SAMD8: variants seen among roughly 807,000 people sequenced by gnomAD.
SAMD8 encodes sphingomyelin synthase-related protein 1.
A neutral mutation model predicts 42.0 loss-of-function variants in SAMD8; 20 were observed. The ratio of observed to expected loss-of-function variants is 0.48; its 90% CI spans 0.34 to 0.69. SAMD8 has a LOEUF of 0.69. SAMD8 is among the 30% of genes least tolerant of loss of function. SAMD8 has a pLI of 0.01. For synonymous variants in SAMD8, 162 were observed against 173.0 expected (o/e 0.94, Z 0.50); for missense variants, 328 against 511.6 (o/e 0.64, Z 3.46).
At chr10:75,168,808 A>T in intron 4 of SAMD8, 150 bp downstream of exon 4, 1 of 590,574 alleles carries the variant, frequency 1.7e-6, no homozygotes, top group Non-Finnish European at 3.0e-6. Flanking sequence ...ATTTGGTAAA[A>T]GTCTTAAGCC....
Position 75,168,538 on chromosome 10 carries a change from C to T in SAMD8, c.675-3C>T. The T allele has an allele frequency of 6.2e-7, 1 of 1,611,654 alleles. No individual in the cohort carries two copies. Among genetic ancestry groups the T allele is most frequent in the Non-Finnish European group, 8.5e-7 (1 of 1,178,006 alleles). ...TTCCCCCTTTTTGGTTGATCTGTTA[C>T]AGGTCAATACTTCTGCGAAGGCTCT... On this transcript the variant is annotated splice_polypyrimidine_tract_variant and splice_region_variant and intron_variant, in intron 3 of 5. Coordinates refer to ENST00000542569, the MANE Select transcript of SAMD8 (RefSeq NM_001174156.2).
At chr10:75,151,815 T>G (rs1042884866) in intron 2 of SAMD8, among the ~76,000 whole-genome samples, 1 of 152,094 alleles carries the variant, frequency 6.6e-6, no homozygotes, top group African/African-American at 2.4e-5. Context: ...GCCTCCTGAG[T>G]AGCTGGGATT....
intron 1 of SAMD8, among the ~76,000 whole-genome samples, chr10:75,127,656 A>G (rs536939699): frequency 6.6e-6 from 1 of 152,124 alleles, no homozygotes; most frequent in Non-Finnish European, 1.5e-5. Context: ...AAGGAATAAC[A>G]CTCTGCTGAC....
intron 1 of SAMD8, among the ~76,000 whole-genome samples, chr10:75,106,101 C>CTTTTTTTTTTTT (rs767630456): frequency 8.1e-6 from 1 of 123,024 alleles, no homozygotes. Flanking sequence ...TCTTTCTTTT[C>CTTTTTTTTTTTT]TTTTTTTTTT....
intron 1 of SAMD8, among the ~76,000 whole-genome samples, chr10:75,112,270 A>G (rs1025610356): frequency 6.6e-6 from 1 of 152,098 alleles, no homozygotes; most frequent in African/African-American, 2.4e-5. Context: ...GTTTGACTAG[A>G]AGGAGGAGGG....
At chr10:75,151,428 A>G (rs974187407) in intron 2 of SAMD8, among the ~76,000 whole-genome samples, 4 of 151,904 alleles carry the variant, frequency 2.6e-5, no homozygotes, top group African/African-American at 9.7e-5. Flanking sequence ...ACCATGGCTC[A>G]CTGCAGTCTC....
At chr10:75,159,601 AC>A (rs1564691686) in intron 2 of SAMD8, among the ~76,000 whole-genome samples, 1 of 152,166 alleles carries the variant, frequency 6.6e-6, no homozygotes, top group African/African-American at 2.4e-5. Context: ...CTCTTTGCCT[AC>A]TTGGAGAGAA....
In SAMD8 at chr10:75,176,173, C is replaced by A. The variant is rs143864495; in HGVS notation, c.900C>A (p.Gly300=). ...CATGTGGAGATTACATGTTTAGTGG[C>A]CACACAGTCGTCCTAACTATGCTGA... ...VHTCGDYMFS[G]HTVVLTMLNF... is the part of the protein sequence containing the mutation. The change falls in exon 5 of 6, where the codon GGC becomes GGA. Residue 300 remains glycine, a synonymous_variant. Transcript: ENST00000542569. This position sits in a 1 kb window ranked among gnomAD's most constrained non-coding sequence, Gnocchi z 4.3. 1 of 1,614,174 alleles carries A rather than the reference C, an allele frequency of 6.2e-7. No individual in the cohort carries two copies. Among genetic ancestry groups the A allele is most frequent in the Non-Finnish European group, 8.5e-7 (1 of 1,180,024 alleles).
At chr10:75,168,058 G>A (rs540518748) in intron 3 of SAMD8, among the ~76,000 whole-genome samples, 6 of 151,282 alleles carry the variant, frequency 4.0e-5, no homozygotes, top group South Asian at 2.1e-4. Flanking sequence ...GTGCAATGGC[G>A]CAGTCTTGGC....
intron 2 of SAMD8, among the ~76,000 whole-genome samples, chr10:75,159,771 C>T (rs1840513971): frequency 6.6e-6 from 1 of 152,208 alleles, no homozygotes; most frequent in African/African-American, 2.4e-5. Context: ...GAGTTCTCCA[C>T]AGGGCTTTGC....
At chr10:75,116,322 T>C (rs74601140) in intron 1 of SAMD8, among the ~76,000 whole-genome samples, 2,106 of 152,208 alleles carry the variant, frequency 0.014, 51 homozygotes, top group African/African-American at 0.048. Context: ...ACCAGGCTGG[T>C]TTAGAGCTCC....
chr10:75,151,033 A>G lies in SAMD8; in HGVS notation c.505A>G (p.Ile169Val), dbSNP rs762212068. 1.9e-6 allele frequency: 3 copies of G among 1,602,244 alleles called. No individual in the cohort carries two copies. The highest frequency in any genetic ancestry group is 1.1e-5 in the South Asian group (1 of 89,338). The change falls in exon 2 of 6, where the codon ATT (isoleucine) becomes GTT (valine). Residue 169 changes from isoleucine to valine, a missense_variant. By Grantham distance (29) the Ile-to-Val change is conservative. Transcript: ENST00000542569. ...VFIVFGFTSFIMVIVHERVPD... is the reference protein window; with the variant it reads ...VFIVFGFTSFVMVIVHERVPD... ...TATAGTATTTGGATTTACATCTTTC[A>G]TTATGGTTATAGTCCATGAGCGAGT... is the stretch of plus-strand genomic sequence containing the variant.
intron 1 of SAMD8, chr10:75,104,012 T>G (rs1307216515): frequency 1.5e-6 from 2 of 1,359,858 alleles, no homozygotes; most frequent in Admixed American, 3.9e-5. Context: ...TGTGTCCGCC[T>G]GGGCCAGAGC....
chr10:75,144,914 C>T (rs530948486), intron 1 of SAMD8, among the ~76,000 whole-genome samples: 4 of 152,346 alleles, frequency 2.6e-5, no homozygotes, highest in East Asian at 1.9e-4. Flanking sequence ...CCACCTCAGC[C>T]TCCCAAAGTG....
At chr10:75,170,771 T>G (rs1477295845) in intron 4 of SAMD8, among the ~76,000 whole-genome samples, 1 of 24,074 alleles carries the variant, frequency 4.2e-5, no homozygotes, top group African/African-American at 3.0e-4. Context: ...TTTTTTTGGG[T>G]TTTTTTTTTT....
chr10:75,125,117 T>A, intron 1 of SAMD8: 1 of 152,338 alleles, frequency 6.6e-6, no homozygotes, highest in Non-Finnish European at 1.5e-5. Flanking sequence ...ACTCTGATTA[T>A]GTCATCCTCT....
chr10:75,172,546 A>T (rs1452715783), intron 4 of SAMD8, among the ~76,000 whole-genome samples: 1 of 151,104 alleles, frequency 6.6e-6, no homozygotes, highest in Non-Finnish European at 1.5e-5. Flanking sequence ...CGCCCCGGCT[A>T]GCGTGCGGTG....
chr10:75,114,288 A>G (rs1028879015), intron 1 of SAMD8, among the ~76,000 whole-genome samples: 1 of 151,286 alleles, frequency 6.6e-6, no homozygotes, highest in Admixed American at 6.6e-5. Flanking sequence ...GTGAGCTGAG[A>G]TCACACCACT....
At chr10:75,169,296 C>G (rs1214826630) in intron 4 of SAMD8, among the ~76,000 whole-genome samples, 1 of 150,134 alleles carries the variant, frequency 6.7e-6, no homozygotes. Flanking sequence ...ACCAGCCTGG[C>G]CAAGATGGTT....
Sources: gnomAD v4.1 joint callset for allele counts (sites outside exome capture counted in the v4.1 genomes callset) on GRCh38, gnomAD v4.1.1 for gene constraint, Gnocchi (gnomAD v3.1) non-coding constraint, MANE v1.5 for transcripts, NCBI Gene and HGNC (gene_info 2026-07-23, HGNC 2026-07-21) for gene names.